Variants in TC2N observed in about 807,000 individuals in gnomAD.
The protein encoded by TC2N is tandem C2 domains, nuclear, also known as tandem C2 domains nuclear protein.
Under a neutral mutation model 61.9 loss-of-function variants are expected in TC2N, and 51 were observed. The observed-to-expected ratio is 0.82, with a 90% CI of 0.66 to 1.04. The LOEUF (loss-of-function observed/expected upper bound fraction) is 1.04. Among genes scored for constraint, TC2N ranks in the 50% least tolerant of loss-of-function variants. The pLI is 0.00. For missense variants in TC2N, 556 were observed against 566.7 expected (o/e 0.98, Z 0.19); for synonymous variants, 204 against 192.6 (o/e 1.06, Z -0.49).
chr14:91,844,432 T>G (rs1259303230), intron 1 of TC2N, among the ~76,000 whole-genome samples: 7 of 152,138 alleles, frequency 4.6e-5, no homozygotes, highest in Middle Eastern at 3.4e-3. Context: ...ATAAAGCCAC[T>G]CTTAAAATGT....
At chr14:91,804,591 A>G (rs574379298) in intron 3 of TC2N, among the ~76,000 whole-genome samples, 1 of 152,336 alleles carries the variant, frequency 6.6e-6, no homozygotes, top group Non-Finnish European at 1.5e-5. Context: ...AAAACAAACT[A>G]AAACTACTGA....
Position 91,800,389 on chromosome 14 carries a change from G to A in TC2N, c.470-17C>T, listed in dbSNP as rs757825116. ...AATCACAAACTACAAAGGGATATGA[G>A]AAAAGTATATATTTTTAAGAAACAC... On this transcript the variant is annotated splice_polypyrimidine_tract_variant and intron_variant, in intron 4 of 11. Coordinates refer to ENST00000435962, the MANE Select transcript of TC2N (RefSeq NM_001128596.3). 7 of 1,443,060 alleles carry A rather than the reference G, an allele frequency of 4.9e-6. No homozygotes were observed. In the Admixed American group the frequency reaches 1.3e-4, roughly 26 times the overall value. 89.4% of individuals were successfully genotyped at this position (1,443,060 alleles called of 1,614,324 possible). A position where few individuals can be genotyped will look rare whatever the true frequency, so the allele number is the denominator to read the frequency against.
intron 1 of TC2N, among the ~76,000 whole-genome samples, chr14:91,844,262 C>G (rs1888221823): frequency 6.6e-6 from 1 of 152,148 alleles, no homozygotes; most frequent in Non-Finnish European, 1.5e-5. Flanking sequence ...ACTTGTTTGG[C>G]AGCCTGAGCA....
chr14:91,807,932 T>C lies in TC2N; in HGVS notation c.301+4380A>G, dbSNP rs145350936. ...CACCTGGTAGGAGATAATTGAATCATAGGGGCAGTTTCTCCCATACTGTTC... is the reference window on the plus strand; with the variant it reads ...CACCTGGTAGGAGATAATTGAATCACAGGGGCAGTTTCTCCCATACTGTTC... On this transcript the variant is annotated intron_variant, in intron 3 of 11. Transcript: ENST00000435962. Among the ~76,000 whole-genome samples, 620 of 152,274 alleles carry C rather than the reference T, an allele frequency of 4.1e-3. 6 individuals are homozygous for C. The highest frequency in any genetic ancestry group is 0.013 in the African/African-American group (540 of 41,552).
intron 3 of TC2N, among the ~76,000 whole-genome samples, chr14:91,808,446 T>G (rs1055408888): frequency 1.3e-5 from 2 of 152,216 alleles, no homozygotes; most frequent in African/African-American, 4.8e-5. Flanking sequence ...CTGACTGTGC[T>G]TGCAACACAA....
chr14:91,805,178 G>A (rs879510499), intron 3 of TC2N, among the ~76,000 whole-genome samples: 6 of 152,054 alleles, frequency 3.9e-5, no homozygotes, highest in Non-Finnish European at 7.4e-5. Context: ...GGCAATGATT[G>A]TCATCAAGAT....
chr14:91,787,709 G>T (rs1052844442), intron 9 of TC2N, 82 bp from the exon 10 acceptor site: 14 of 779,120 alleles, frequency 1.8e-5, no homozygotes, highest in African/African-American at 1.8e-4. Context: ...AAAAGCTAAG[G>T]TTAGAAATTT....
chr14:91,783,220 A>G lies in TC2N; in HGVS notation c.1363-10T>C, dbSNP rs751291793. ...CTTCACTTATCCAAATCTGTAAAGG[A>G]AAGTATGTACAATCATTTAACTTGA... On this transcript the variant is annotated splice_polypyrimidine_tract_variant and intron_variant, in intron 11 of 11. Transcript: ENST00000435962. The G allele has an allele frequency of 2.2e-5, 32 of 1,474,076 alleles. No individual in the cohort carries two copies. The highest frequency in any genetic ancestry group is 2.8e-5 in the Non-Finnish European group (30 of 1,055,578). The allele number at this position is 1,474,076 out of a possible 1,614,324, so 91.3% of individuals were successfully genotyped here.
intron 8 of TC2N, among the ~76,000 whole-genome samples, chr14:91,797,501 A>G (rs576027314): frequency 7.6e-4 from 116 of 152,054 alleles, no homozygotes; most frequent in South Asian, 3.5e-3. Flanking sequence ...AGAAGCCAAG[A>G]TTTATTTCCT....
At chr14:91,787,946 C>A (rs975529467) in intron 9 of TC2N, among the ~76,000 whole-genome samples, 1 of 151,880 alleles carries the variant, frequency 6.6e-6, no homozygotes, top group Non-Finnish European at 1.5e-5. Context: ...GAAATTAACA[C>A]AAAAGGAATA....
intron 3 of TC2N, 28 bp downstream of exon 3, chr14:91,812,284 T>C: frequency 7.6e-7 from 1 of 1,321,674 alleles, no homozygotes; most frequent in African/African-American, 1.4e-5. Flanking sequence ...ACATATCGAT[T>C]TTTAAATACT....
chr14:91,790,169 G>C (rs1885576553), intron 9 of TC2N, among the ~76,000 whole-genome samples: 1 of 152,170 alleles, frequency 6.6e-6, no homozygotes, highest in Non-Finnish European at 1.5e-5. Context: ...CTCTGTAAAT[G>C]CTAGCTATTT....
chr14:91,852,168 C>A (rs1888388370), intron 1 of TC2N, among the ~76,000 whole-genome samples: 1 of 152,252 alleles, frequency 6.6e-6, no homozygotes, highest in Admixed American at 6.5e-5. Flanking sequence ...TGGCTCACGC[C>A]TGTAATCCCA....
chr14:91,821,060 A>T (rs368564304), intron 1 of TC2N, among the ~76,000 whole-genome samples: 1 of 152,030 alleles, frequency 6.6e-6, no homozygotes. Flanking sequence ...CCCCAAATTG[A>T]TCTACAGATT....
chr14:91,844,613 T>C (rs1211216680), intron 1 of TC2N, among the ~76,000 whole-genome samples: 1 of 151,180 alleles, frequency 6.6e-6, no homozygotes, highest in Non-Finnish European at 1.5e-5. Flanking sequence ...AATATAAAAA[T>C]TAGCTGGGCA....
intron 1 of TC2N, among the ~76,000 whole-genome samples, chr14:91,855,787 G>T (rs76333663): frequency 0.019 from 2,833 of 152,272 alleles, 95 homozygotes; most frequent in African/African-American, 0.065. Context: ...CGGGGCGAGG[G>T]GAGTTGTGGC....
chr14:91,802,264 C>G lies in TC2N; in HGVS notation c.459G>C (p.Leu153=), dbSNP rs1470563909. The part of the protein sequence containing the change: ...RFPPRSEVKR[L]YGSVCDLRTN... ...AAAAGATCTTCATACCCGATCCATA[C>G]AGTCTCTTCACTTCTGAACGGGGAG... is the stretch of plus-strand genomic sequence containing the variant. The change falls in exon 4 of 12, where the codon CTG becomes CTC. Residue 153 remains leucine, a synonymous_variant. Coordinates refer to ENST00000435962, the MANE Select transcript of TC2N (RefSeq NM_001128596.3). 2.4e-5 allele frequency: 38 copies of G among 1,580,080 alleles called. No individual in the cohort carries two copies. The highest frequency in any genetic ancestry group is 3.2e-5 in the Non-Finnish European group (37 of 1,167,946).
At chr14:91,803,209 A>C (rs564821297) in intron 3 of TC2N, among the ~76,000 whole-genome samples, 1 of 152,168 alleles carries the variant, frequency 6.6e-6, no homozygotes, top group African/African-American at 2.4e-5. Context: ...AACTAAAGAT[A>C]TTCACAAAAA....
chr14:91,831,140 T>G (rs576614227), intron 1 of TC2N, among the ~76,000 whole-genome samples: 5 of 150,046 alleles, frequency 3.3e-5, no homozygotes, highest in Non-Finnish European at 7.4e-5. Flanking sequence ...GGCATGTTAA[T>G]TCCTATCTTT....
Sources: gnomAD v4.1 joint callset for allele counts (sites outside exome capture counted in the v4.1 genomes callset) on GRCh38, gnomAD v4.1.1 for gene constraint, MANE v1.5 for transcripts, NCBI Gene and HGNC (gene_info 2026-07-23, HGNC 2026-07-21) for gene names.